Variants in ZNF385D observed in about 807,000 individuals in gnomAD.
ZNF385D encodes zinc finger protein 659.
ZNF385D carries 15 observed loss-of-function variants against 35.8 expected under a neutral mutation model. That is an observed-to-expected ratio of 0.42 (90% CI 0.28 to 0.64). The LOEUF (loss-of-function observed/expected upper bound fraction) is 0.64, where lower values mean the gene tolerates loss of function less well. Among genes scored for constraint, ZNF385D ranks in the 30% least tolerant of loss-of-function variants. The probability of loss-of-function intolerance (pLI) is 0.23; values close to 1 mark genes in which losing one functional copy is unlikely to be tolerated. For synonymous variants in ZNF385D, 212 were observed against 186.8 expected, an observed-to-expected ratio of 1.13 and a Z score of -1.10; for missense variants, 474 against 494.6, an observed-to-expected ratio of 0.96 and a Z score of 0.39.
At chr3:21,906,777 T>C (rs1699705507) in intron 3 of ZNF385D, among the ~76,000 whole-genome samples, 1 of 152,196 alleles carries the variant, frequency 6.6e-6, no homozygotes, top group African/African-American at 2.4e-5. Flanking sequence ...ATACTGTCCC[T>C]CAGCTGCCTC....
rs1266249859 is a variant in ZNF385D at position 21,418,948 on chromosome 3, T to G, written c.*2266A>C. The stretch of plus-strand genomic sequence containing the variant: ...ACTTATGGGCAACTATCCACCTGGC[T>G]GAACTACCAGGGTCTGTAGGTGAAA... On this transcript the variant is annotated 3_prime_UTR_variant, in exon 8 of 8. Coordinates refer to ENST00000281523, the MANE Select transcript of ZNF385D (RefSeq NM_024697.3). The G allele has an allele frequency of 6.6e-6, 1 of 152,160 alleles. No homozygotes were observed. The highest frequency in any genetic ancestry group is 1.5e-5 in the Non-Finnish European group (1 of 68,042). The allele number at this position is 152,160 out of a possible 1,614,324, so 9.4% of individuals were successfully genotyped here.
chr3:22,340,398 C>T (rs551625482), intron 2 of ZNF385D, among the ~76,000 whole-genome samples: 1 of 152,292 alleles, frequency 6.6e-6, no homozygotes, highest in South Asian at 2.1e-4. Context: ...GTAATCTCAG[C>T]ACTTTCTGAG....
chr3:21,679,065 G>T (rs2066818514), intron 1 of ZNF385D, among the ~76,000 whole-genome samples: 1 of 143,730 alleles, frequency 7.0e-6, no homozygotes, highest in Non-Finnish European at 1.5e-5. Context: ...AACTTCTACA[G>T]AATATTCTAA....
chr3:21,784,021 G>T (rs557218933), intron 3 of ZNF385D, among the ~76,000 whole-genome samples: 1 of 152,144 alleles, frequency 6.6e-6, no homozygotes, highest in African/African-American at 2.4e-5. Flanking sequence ...CTGCAGTACA[G>T]TGTTATCAGC....
chr3:22,342,552 C>T (rs1695474204), intron 2 of ZNF385D, among the ~76,000 whole-genome samples: 1 of 152,010 alleles, frequency 6.6e-6, no homozygotes, highest in Non-Finnish European at 1.5e-5. Flanking sequence ...TACTTTATGA[C>T]AGAAGTGTAT....
At chr3:22,136,349 C>G (rs956655463) in intron 3 of ZNF385D, among the ~76,000 whole-genome samples, 7 of 151,514 alleles carry the variant, frequency 4.6e-5, no homozygotes, top group Non-Finnish European at 8.8e-5. Context: ...GATCACACCA[C>G]TTTATTTCCG....
chr3:22,157,270 A>T lies in ZNF385D; in HGVS notation c.325+11547T>A, dbSNP rs568152325. Among the ~76,000 whole-genome samples the T allele has an allele frequency of 4.6e-5, 7 of 152,294 alleles. No individual in the cohort carries two copies. In the East Asian group the frequency reaches 9.7e-4, roughly 21 times the overall value. On this transcript the variant is annotated intron_variant, in intron 3 of 5. Coordinates refer to the ZNF385D transcript ENST00000494108. The stretch of plus-strand genomic sequence containing the variant: ...CTGTATCTAAATCATAAAATAAGAG[A>T]ATCACATTAATTATACACAGAATTT...
chr3:21,427,616 G>C (rs429386), intron 5 of ZNF385D, among the ~76,000 whole-genome samples: 2 of 152,150 alleles, frequency 1.3e-5, no homozygotes, highest in Non-Finnish European at 2.9e-5. Flanking sequence ...TTTGGCCCCA[G>C]TAGTAGGGCT....
intron 3 of ZNF385D, among the ~76,000 whole-genome samples, chr3:21,893,277 C>T (rs1291150053): frequency 1.3e-5 from 2 of 152,096 alleles, no homozygotes; most frequent in Non-Finnish European, 2.9e-5. Context: ...AGCACAGATA[C>T]ACATCATTCC....
intron 3 of ZNF385D, among the ~76,000 whole-genome samples, chr3:21,922,810 C>A (rs1447342820): frequency 2.0e-5 from 3 of 152,056 alleles, no homozygotes; most frequent in Non-Finnish European, 4.4e-5. Flanking sequence ...AACAAAAGGG[C>A]TTCCACACAG....
intron 2 of ZNF385D, among the ~76,000 whole-genome samples, chr3:22,213,258 C>G (rs1355039223): frequency 4.0e-5 from 6 of 150,218 alleles, no homozygotes; most frequent in Non-Finnish European, 8.9e-5. Context: ...GGGCCACATA[C>G]AGTCTCTGAT....
chr3:22,296,816 G>A (rs977430696), intron 2 of ZNF385D, among the ~76,000 whole-genome samples: 1 of 152,152 alleles, frequency 6.6e-6, no homozygotes, highest in African/African-American at 2.4e-5. Flanking sequence ...CTTCTCTGGA[G>A]AGCAAAAGTG....
intron 2 of ZNF385D, among the ~76,000 whole-genome samples, chr3:22,173,532 A>G (rs75127162): frequency 0.027 from 4,172 of 152,286 alleles, 186 homozygotes; most frequent in African/African-American, 0.094. Flanking sequence ...TCTCCTTGAC[A>G]ATAAAACAGG....
intron 3 of ZNF385D, among the ~76,000 whole-genome samples, chr3:22,039,426 G>A (rs9859082): frequency 6.6e-5 from 10 of 152,006 alleles, no homozygotes; most frequent in Non-Finnish European, 1.3e-4. Flanking sequence ...TTAGAACTTA[G>A]CATGGCATCC....
intron 3 of ZNF385D, among the ~76,000 whole-genome samples, chr3:22,021,208 C>T (rs112587035): frequency 2.6e-5 from 4 of 151,542 alleles, no homozygotes; most frequent in African/African-American, 7.3e-5. Context: ...ACTACACAAT[C>T]GATACATGAA....
chr3:21,901,106 G>A (rs1280889221), intron 3 of ZNF385D, among the ~76,000 whole-genome samples: 1 of 152,114 alleles, frequency 6.6e-6, no homozygotes, highest in African/African-American at 2.4e-5. Flanking sequence ...TAAGCAAATT[G>A]GCTGCATTAT....
intron 1 of ZNF385D, among the ~76,000 whole-genome samples, chr3:21,709,026 G>A (rs948081804): frequency 2.6e-5 from 4 of 152,110 alleles, no homozygotes; most frequent in African/African-American, 7.2e-5. Context: ...AGGAACACAT[G>A]GGTAGATTGG....
At chr3:22,351,913 G>C (rs1304644434) in intron 2 of ZNF385D, among the ~76,000 whole-genome samples, 3 of 152,140 alleles carry the variant, frequency 2.0e-5, no homozygotes, top group African/African-American at 7.2e-5. Context: ...CCTGAAGAGA[G>C]AGAAAAGAAC....
chr3:21,930,864 T>C (rs1038161935), intron 3 of ZNF385D, among the ~76,000 whole-genome samples: 2 of 152,038 alleles, frequency 1.3e-5, no homozygotes, highest in Admixed American at 6.5e-5. Flanking sequence ...CTATGAGATA[T>C]ACAGGAGAAA....
Sources: allele counts gnomAD v4.1 joint callset (sites outside exome capture counted in the v4.1 genomes callset), GRCh38; gene constraint gnomAD v4.1.1; transcripts MANE v1.5; gene names NCBI Gene and HGNC (gene_info 2026-07-23, HGNC 2026-07-21).